The following NELL1 variants were observed in gnomAD, a reference collection of about 807,000 sequenced individuals.
NELL1 encodes the protein protein kinase C-binding protein NELL1.
NELL1 carries 76 observed loss-of-function variants against 107.4 expected under a neutral mutation model. The observed-to-expected ratio is 0.71, with a 90% confidence interval of 0.59 to 0.86. The LOEUF (loss-of-function observed/expected upper bound fraction) is 0.86. Ranked by LOEUF, NELL1 falls within the 40% of genes least tolerant of loss-of-function variation. The probability of loss-of-function intolerance (pLI) is 0.00; values close to 1 mark genes in which losing one functional copy is unlikely to be tolerated. For missense variants in NELL1, 1,024 were observed against 1,005.5 expected, an observed-to-expected ratio of 1.02 and a Z score of -0.25; for synonymous variants, 353 against 341.2, an observed-to-expected ratio of 1.03 and a Z score of -0.38.
intron 12 of NELL1, among the ~76,000 whole-genome samples, chr11:20,983,184 A>G (rs115862554): frequency 1.5e-3 from 225 of 152,230 alleles, no homozygotes; most frequent in African/African-American, 5.1e-3. Context: ...TCTAAACTTA[A>G]TTCACACTCC....
At chr11:21,252,039 T>A (rs576066481) in intron 14 of NELL1, among the ~76,000 whole-genome samples, 1 of 152,182 alleles carries the variant, frequency 6.6e-6, no homozygotes, top group African/African-American at 2.4e-5. Context: ...CACGCAAGAC[T>A]GTGTCACATG....
chr11:21,068,347 G>T (rs1007652573), intron 12 of NELL1, among the ~76,000 whole-genome samples: 1 of 152,004 alleles, frequency 6.6e-6, no homozygotes, highest in East Asian at 1.9e-4. Flanking sequence ...AACATAAAAG[G>T]CTTAACTAAT....
At chr11:21,437,931 T>A (rs796115004) in intron 15 of NELL1, among the ~76,000 whole-genome samples, 57 of 152,342 alleles carry the variant, frequency 3.7e-4, no homozygotes, top group African/African-American at 1.3e-3. Context: ...CTTCTGTCCT[T>A]TCACTAGTTG....
chr11:21,414,937 G>A (rs919511672), intron 15 of NELL1, among the ~76,000 whole-genome samples: 2 of 151,886 alleles, frequency 1.3e-5, no homozygotes, highest in African/African-American at 4.8e-5. Context: ...ATTAGAATGA[G>A]GCATTAAAGA....
intron 3 of NELL1, among the ~76,000 whole-genome samples, chr11:20,820,844 C>T (rs1416088746): frequency 2.0e-5 from 3 of 152,212 alleles, no homozygotes; most frequent in Non-Finnish European, 4.4e-5. Flanking sequence ...TTCTCTGCCC[C>T]TGCCATGCTA....
intron 1 of NELL1, among the ~76,000 whole-genome samples, chr11:20,676,375 C>A (rs780522418): frequency 1.3e-5 from 2 of 152,008 alleles, no homozygotes; most frequent in South Asian, 4.2e-4. Flanking sequence ...CACAGGAATG[C>A]GAGCTCCATG....
chr11:21,244,751 A>C (rs1445043374), intron 14 of NELL1, among the ~76,000 whole-genome samples: 2 of 152,116 alleles, frequency 1.3e-5, no homozygotes, highest in East Asian at 3.9e-4. Flanking sequence ...AGGTGGAGCC[A>C]GAGAGATTGT....
chr11:21,278,060 A>AG, intron 14 of NELL1, among the ~76,000 whole-genome samples: 1 of 141,470 alleles, frequency 7.1e-6, no homozygotes, highest in Non-Finnish European at 1.6e-5. Context: ...AAAAAAAAAG[A>AG]AAGAAAAAGC....
At chr11:20,832,427 G>C (rs1405144382) in intron 3 of NELL1, among the ~76,000 whole-genome samples, 1 of 152,178 alleles carries the variant, frequency 6.6e-6, no homozygotes, top group Non-Finnish European at 1.5e-5. Context: ...TCTCCCACTG[G>C]ATTGTAAGCT....
At chr11:21,412,043 G>T (rs1852391705) in intron 15 of NELL1, among the ~76,000 whole-genome samples, 1 of 152,072 alleles carries the variant, frequency 6.6e-6, no homozygotes, top group Non-Finnish European at 1.5e-5. Context: ...ACATAAATTT[G>T]TGATGACAGA....
chr11:21,229,747 G>C (rs1857994122), intron 14 of NELL1, among the ~76,000 whole-genome samples: 1 of 152,194 alleles, frequency 6.6e-6, no homozygotes, highest in Admixed American at 6.5e-5. Flanking sequence ...TTGGATTGCG[G>C]ATATTGGCTT....
chr11:21,073,133 A>G (rs1434320531), intron 12 of NELL1, among the ~76,000 whole-genome samples: 2 of 152,088 alleles, frequency 1.3e-5, no homozygotes. Context: ...AAAACCTGGA[A>G]ATTATGTTGA....
intron 2 of NELL1, among the ~76,000 whole-genome samples, chr11:20,698,345 C>T (rs1389136089): frequency 2.6e-5 from 4 of 152,162 alleles, no homozygotes; most frequent in Admixed American, 6.5e-5. Flanking sequence ...TCCACTTCTA[C>T]CGTCTGCACT....
intron 2 of NELL1, among the ~76,000 whole-genome samples, chr11:20,760,434 G>C (rs533270525): frequency 6.6e-6 from 1 of 152,270 alleles, no homozygotes; most frequent in Non-Finnish European, 1.5e-5. Flanking sequence ...AGAGACATTT[G>C]GGTACACACT....
At chr11:20,850,781 G>A (rs1848781445) in intron 4 of NELL1, among the ~76,000 whole-genome samples, 1 of 152,102 alleles carries the variant, frequency 6.6e-6, no homozygotes. Flanking sequence ...CCTTTACTTT[G>A]GTGCTGGAGA....
rs1021419218 is a variant in NELL1 at position 20,930,223 on chromosome 11, A to G, written c.997+1744A>G. ...CAGAGAATCATAAAGATCAAGATGGAAAGTTCACCCATAATAGCTCCACTT... is the reference window on the plus strand; with the variant it reads ...CAGAGAATCATAAAGATCAAGATGGGAAGTTCACCCATAATAGCTCCACTT... On this transcript the variant is annotated intron_variant, in intron 9 of 19. Coordinates refer to ENST00000357134, the MANE Select transcript of NELL1 (RefSeq NM_006157.5). Among the ~76,000 whole-genome samples, 2 of 152,192 alleles carry G rather than the reference A, an allele frequency of 1.3e-5. 1 individual carries two copies. The highest frequency in any genetic ancestry group is 1.3e-4 in the Admixed American group (2 of 15,286).
At chr11:20,686,262 A>G (rs916314384) in intron 2 of NELL1, among the ~76,000 whole-genome samples, 2 of 152,128 alleles carry the variant, frequency 1.3e-5, no homozygotes, top group Non-Finnish European at 2.9e-5. Context: ...ACATTTCTAC[A>G]GTACCAATTG....
At chr11:21,035,437 G>A (rs1451756269) in intron 12 of NELL1, among the ~76,000 whole-genome samples, 4 of 149,604 alleles carry the variant, frequency 2.7e-5, no homozygotes, top group Non-Finnish European at 5.9e-5. Context: ...AAAACTTCAG[G>A]CCAATATCCT....
intron 2 of NELL1, 124 bp downstream of exon 2, chr11:20,678,184 G>C: frequency 9.1e-7 from 1 of 1,103,404 alleles, no homozygotes; most frequent in East Asian, 2.4e-5. Flanking sequence ...TTGCTGTCTT[G>C]AGTGTTTAGA....
Sources: allele counts gnomAD v4.1 joint callset (sites outside exome capture counted in the v4.1 genomes callset), GRCh38; gene constraint gnomAD v4.1.1; transcripts MANE v1.5; gene names NCBI Gene and HGNC (gene_info 2026-07-23, HGNC 2026-07-21).